Variants in SHROOM2 observed in about 807,000 individuals in gnomAD.
The protein encoded by SHROOM2 is protein Shroom2.
Under a neutral mutation model 75.9 loss-of-function variants are expected in SHROOM2, and 33 were observed. The ratio of observed to expected loss-of-function variants is 0.43; its 90% confidence interval spans 0.33 to 0.58. The LOEUF (loss-of-function observed/expected upper bound fraction) is 0.58. SHROOM2 is among the 20% of genes least tolerant of loss of function. SHROOM2 has a pLI of 0.04. For synonymous variants in SHROOM2, 655 were observed against 663.6 expected, an observed-to-expected ratio of 0.99 and a Z score of 0.20; for missense variants, 1,434 against 1,461.2, an observed-to-expected ratio of 0.98 and a Z score of 0.30.
At chrX:9,849,029 C>T (rs959288808) in intron 1 of SHROOM2, among the ~76,000 whole-genome samples, 1 of 111,818 alleles carries the variant, frequency 8.9e-6, no homozygotes, top group Non-Finnish European at 1.9e-5. Flanking sequence ...TGGACTCACC[C>T]GTGGGTCTCC....
chrX:9,935,897 G>C (rs865834730), intron 6 of SHROOM2, among the ~76,000 whole-genome samples: 1 of 110,870 alleles, frequency 9.0e-6, no homozygotes, highest in Admixed American at 9.6e-5. Flanking sequence ...CCAGCATATG[G>C]GGCTGCTTCT....
At chrX:9,792,038 AT>A (rs747724105) in intron 1 of SHROOM2, among the ~76,000 whole-genome samples, 10,717 of 29,302 alleles carry the variant, frequency 0.37, 1,707 homozygotes, top group South Asian at 0.42. Flanking sequence ...ATAGAATAGA[AT>A]AGAATAGAAT....
rs193213886 is a variant in SHROOM2, at chrX:9,913,385, C to T, written c.2891+15095C>T. ...GAATCACCATGGTTCTTAGCATTTT[C>T]CAGTTCTTTTATTTTGCTCTTTGGT... On this transcript the variant is annotated intron_variant, in intron 5 of 9. Transcript: ENST00000380913. Among the ~76,000 whole-genome samples the T allele has an allele frequency of 8.7e-3, 975 of 112,411 alleles. 17 individuals carry two copies. Among genetic ancestry groups the T allele is most frequent in the African/African-American group, 0.029 (899 of 30,984 alleles).
At chrX:9,897,572 A>AG (rs1166178745) in intron 4 of SHROOM2, among the ~76,000 whole-genome samples, 288 of 6,985 alleles carry the variant, frequency 0.041, no homozygotes, top group African/African-American at 0.053. Context: ...AAAAAAAAGA[A>AG]AAAAAAAACT....
At chrX:9,946,384 A>G (rs754827871) in intron 9 of SHROOM2, among the ~76,000 whole-genome samples, 2 of 112,774 alleles carry the variant, frequency 1.8e-5, no homozygotes, top group South Asian at 3.6e-4. Flanking sequence ...TCTGCTCACC[A>G]TTCGAGGCAG....
chrX:9,894,569 G>A lies in SHROOM2; in HGVS notation c.661G>A (p.Asp221Asn), dbSNP rs1426955974. 1 of 1,209,767 alleles carries A rather than the reference G, an allele frequency of 8.3e-7. No individual in the cohort carries two copies. Among genetic ancestry groups the A allele is most frequent in the East Asian group, 3.0e-5 (1 of 33,723 alleles). ...GSFSTSSSTP[D>N]HTLSKADTSS... ...CTTCTCCACCAGCTCTAGCACTCCT[G>A]ACCACACCTTGTCCAAAGCCGACAC... Residue 221 changes from aspartate (D) to asparagine (N), a missense_variant, in exon 4 of 10, where the codon GAC becomes AAC. By Grantham distance (23) the Asp-to-Asn change is conservative. This residue lies in a region of SHROOM2 where 1,340 missense variants were observed against 1,338.3 expected (regional missense o/e 1.00). Coordinates refer to ENST00000380913, the MANE Select transcript of SHROOM2 (RefSeq NM_001649.4).
chrX:9,897,835 C>T (rs2084342572), intron 4 of SHROOM2, among the ~76,000 whole-genome samples: 1 of 112,293 alleles, frequency 8.9e-6, no homozygotes, highest in Admixed American at 9.5e-5. Context: ...GATACCCTGG[C>T]TTGTGGCTAT....
At chrX:9,884,759 G>T (rs2084251879) in intron 2 of SHROOM2, among the ~76,000 whole-genome samples, 1 of 110,476 alleles carries the variant, frequency 9.1e-6, no homozygotes, top group Non-Finnish European at 1.9e-5. Flanking sequence ...AATGAAGTTT[G>T]GTATACAATC....
chrX:9,809,834 A>G (rs1320648678), intron 1 of SHROOM2, among the ~76,000 whole-genome samples: 3 of 110,921 alleles, frequency 2.7e-5, no homozygotes, highest in African/African-American at 9.8e-5. Context: ...ATGCCAGCCA[A>G]TTTTTTTGTG....
intron 4 of SHROOM2, among the ~76,000 whole-genome samples, chrX:9,897,680 C>CAAA (rs56026461): frequency 0.025 from 1,769 of 70,382 alleles, 87 homozygotes; most frequent in African/African-American, 0.086. Flanking sequence ...GACCCTGTCT[C>CAAA]AAAAAAAAAA....
At chrX:9,852,445 G>A (rs948435491) in intron 1 of SHROOM2, among the ~76,000 whole-genome samples, 1 of 111,934 alleles carries the variant, frequency 8.9e-6, no homozygotes, top group Admixed American at 9.5e-5. Context: ...AGTTCTTATT[G>A]CCATCACCTT....
At chrX:9,923,112 GA>G (rs1359032796) in intron 5 of SHROOM2, among the ~76,000 whole-genome samples, 5 of 111,826 alleles carry the variant, frequency 4.5e-5, no homozygotes, top group Non-Finnish European at 1.9e-5. Context: ...GGAGTCTGAT[GA>G]ATTTGTAAAA....
chrX:9,820,878 C>A (rs2083849902), intron 1 of SHROOM2, among the ~76,000 whole-genome samples: 1 of 112,418 alleles, frequency 8.9e-6, no homozygotes. Context: ...CAAATTACTC[C>A]TCTGTGCTGT....
intron 6 of SHROOM2, among the ~76,000 whole-genome samples, chrX:9,935,955 T>C (rs1441052265): frequency 1.8e-5 from 2 of 111,222 alleles, no homozygotes; most frequent in Non-Finnish European, 3.8e-5. Context: ...GTCAGCATGG[T>C]CTAGCACGGT....
At chrX:9,933,152 A>G (rs1300338238) in intron 6 of SHROOM2, among the ~76,000 whole-genome samples, 1 of 110,475 alleles carries the variant, frequency 9.1e-6, no homozygotes, top group Non-Finnish European at 1.9e-5. Context: ...TTATATCTGC[A>G]TTACCCACAG....
chrX:9,945,552 G>A (rs1488116591), intron 9 of SHROOM2, among the ~76,000 whole-genome samples: 1 of 112,017 alleles, frequency 8.9e-6, no homozygotes, highest in Non-Finnish European at 1.9e-5. Context: ...GACTCTTACT[G>A]ATAATTGTCT....
intron 1 of SHROOM2, among the ~76,000 whole-genome samples, chrX:9,811,071 A>G (rs1423585474): frequency 1.8e-5 from 2 of 112,150 alleles, no homozygotes; most frequent in Non-Finnish European, 3.8e-5. Flanking sequence ...AGGCAAACCC[A>G]TATCTGGAGT....
intron 1 of SHROOM2, among the ~76,000 whole-genome samples, chrX:9,818,021 A>G (rs2146746673): frequency 8.9e-6 from 1 of 112,419 alleles, no homozygotes; most frequent in Non-Finnish European, 1.9e-5. Context: ...GAAACATGCT[A>G]TAAATAAGCA....
intron 1 of SHROOM2, among the ~76,000 whole-genome samples, chrX:9,835,331 C>T (rs2083938195): frequency 8.9e-6 from 1 of 112,099 alleles, no homozygotes; most frequent in Admixed American, 9.5e-5. Flanking sequence ...CCTCTCTTCC[C>T]TCCTCCCTGT....
Sources: gnomAD v4.1 joint callset for allele counts (sites outside exome capture counted in the v4.1 genomes callset) on GRCh38, gnomAD v4.1.1 for gene constraint, gnomAD v4.1.1 regional missense constraint, MANE v1.5 for transcripts, NCBI Gene and HGNC (gene_info 2026-07-23, HGNC 2026-07-21) for gene names.